The following ISG20 variants were observed in gnomAD, a reference collection of about 807,000 sequenced individuals.
ISG20 encodes interferon-stimulated gene 20 kDa protein.
A neutral mutation model predicts 11.1 loss-of-function variants in ISG20; 8 were observed. The observed-to-expected ratio is 0.72, with a 90% CI of 0.42 to 1.30. The LOEUF is 1.30. Ranked by LOEUF, ISG20 falls within the 50% of genes most tolerant of loss-of-function variation. The probability of loss-of-function intolerance (pLI) is 0.01; values close to 1 mark genes in which losing one functional copy is unlikely to be tolerated. For missense variants in ISG20, 243 were observed against 250.2 expected, an observed-to-expected ratio of 0.97 and a Z score of 0.19; for synonymous variants, 110 against 101.7, an observed-to-expected ratio of 1.08 and a Z score of -0.49.
At chr15:88,638,325 C>T (rs2141384996), upstream of ISG20, among the ~76,000 whole-genome samples, 1 of 152,368 alleles carries the variant, frequency 6.6e-6, no homozygotes, top group South Asian at 2.1e-4. Context: ...ATCTGGCAGG[C>T]ACTGTTCTAA....
chr15:88,643,335 G>C lies in ISG20; in HGVS notation c.228+3741G>C, dbSNP rs1317287753. On this transcript the variant is annotated intron_variant, in intron 2 of 3. Coordinates refer to ENST00000306072, the MANE Select transcript of ISG20 (RefSeq NM_002201.6). The surrounding 1 kb of genome is among the most constrained non-coding windows in gnomAD (Gnocchi z 4.4). ...AATGATAGTATTTTGGATATGTTAG[G>C]TTAAATAAAACGTTAAAATTAATTT... Among the ~76,000 whole-genome samples, 1 of 152,118 alleles carries C rather than the reference G, an allele frequency of 6.6e-6. No homozygotes were observed. The highest frequency in any genetic ancestry group is 1.9e-4 in the East Asian group (1 of 5,194).
chr15:88,641,023 C>G (rs555432590), intron 2 of ISG20, among the ~76,000 whole-genome samples: 96 of 151,472 alleles, frequency 6.3e-4, no homozygotes, highest in Non-Finnish European at 1.1e-3. Flanking sequence ...ACCGGAGTCT[C>G]TCTCTGTCAC....
At chr15:88,644,192 G>T (rs2058129232) in intron 2 of ISG20, among the ~76,000 whole-genome samples, 1 of 152,174 alleles carries the variant, frequency 6.6e-6, no homozygotes, top group Non-Finnish European at 1.5e-5. Context: ...AAGAAAACTA[G>T]AATGGGAATA....
chr15:88,644,540 A>T (rs2058136886), intron 2 of ISG20, among the ~76,000 whole-genome samples: 2 of 141,534 alleles, frequency 1.4e-5, no homozygotes, highest in Non-Finnish European at 3.2e-5. Flanking sequence ...TCCAAAAAAA[A>T]AAAAAAAGAA....
chr15:88,635,943 C>A (rs1055073969), upstream of ISG20, among the ~76,000 whole-genome samples: 7 of 152,184 alleles, frequency 4.6e-5, no homozygotes, highest in Non-Finnish European at 8.8e-5. Context: ...CTGTGCAGTT[C>A]AAGCCCATGT....
intron 2 of ISG20, 103 bp from the exon 3 acceptor site, chr15:88,652,007 A>G: frequency 6.4e-7 from 1 of 1,557,204 alleles, no homozygotes; most frequent in Non-Finnish European, 8.7e-7. Context: ...TAATTTGCCC[A>G]AGGTCACACA....
upstream of ISG20, among the ~76,000 whole-genome samples, chr15:88,638,059 C>T (rs1596039906): frequency 6.6e-6 from 1 of 152,286 alleles, no homozygotes; most frequent in South Asian, 2.1e-4. Context: ...ATCCAAATCC[C>T]ACTTGGTGAA....
intron 3 of ISG20, among the ~76,000 whole-genome samples, chr15:88,654,810 G>T (rs941499885): frequency 6.6e-6 from 1 of 152,086 alleles, no homozygotes; most frequent in African/African-American, 2.4e-5. Context: ...GAGGGCCCCC[G>T]ACTCCCATAG....
Position 88,650,640 on chromosome 15 carries a change from G to T in ISG20, c.229-1470G>T. 1 of 369,390 alleles carries T rather than the reference G, an allele frequency of 2.7e-6. No individual in the cohort carries two copies. 22.9% of individuals were successfully genotyped at this position (369,390 alleles called of 1,614,324 possible). A position where few individuals can be genotyped will look rare whatever the true frequency, so the allele number is the denominator to read the frequency against. On this transcript the variant is annotated intron_variant, in intron 2 of 3. Coordinates refer to ENST00000306072, the MANE Select transcript of ISG20 (RefSeq NM_002201.6). The surrounding 1 kb of genome is among the most constrained non-coding windows in gnomAD (Gnocchi z 4.0). The stretch of plus-strand genomic sequence containing the variant: ...AGTTAAGGCACCTTGAAGGCTGGGG[G>T]CTGGAACCATTGGAAGGTTTGCTCA...
At chr15:88,642,473 G>T (rs144506516) in intron 2 of ISG20, among the ~76,000 whole-genome samples, 1 of 152,282 alleles carries the variant, frequency 6.6e-6, no homozygotes, top group Non-Finnish European at 1.5e-5. Context: ...AACTGCTCAG[G>T]AATCCAAACT....
At chr15:88,649,477 C>G (rs1052013824) in intron 2 of ISG20, 1 of 152,302 alleles carries the variant, frequency 6.6e-6, no homozygotes, top group Non-Finnish European at 1.5e-5. Context: ...TCCTTCAGGG[C>G]TTTGTGTGAA....
Position 88,643,125 on chromosome 15 carries a change from C to T in ISG20, c.228+3531C>T, listed in dbSNP as rs1007014606. Among the ~76,000 whole-genome samples the T allele has an allele frequency of 6.6e-6, 1 of 151,938 alleles. No homozygotes were observed. Among genetic ancestry groups the T allele is most frequent in the African/African-American group, 2.4e-5 (1 of 41,366 alleles). ...TGGTGCATACCTGTAGTCCCAGCTA[C>T]TCGAGGAGGCTGAGGTGAAGTATTG... On this transcript the variant is annotated intron_variant, in intron 2 of 3. Coordinates refer to ENST00000306072, the MANE Select transcript of ISG20 (RefSeq NM_002201.6). The surrounding 1 kb of genome is among the most constrained non-coding windows in gnomAD (Gnocchi z 4.4).
upstream of ISG20, among the ~76,000 whole-genome samples, chr15:88,635,674 A>G (rs1343050216): frequency 6.6e-6 from 1 of 152,224 alleles, no homozygotes; most frequent in Non-Finnish European, 1.5e-5. Context: ...TTGACTGAGA[A>G]TGGTGCCACG....
At position 88,650,484 on chromosome 15, in the gene ISG20, G is replaced by T; in HGVS notation, c.229-1626G>T. ...GGCCTGGCTTTGCCACTAACTAGCC[G>T]TGTGACTGTCCCAGTTATCAAATGG... On this transcript the variant is annotated intron_variant, in intron 2 of 3. Transcript: ENST00000306072. This position sits in a 1 kb window ranked among gnomAD's most constrained non-coding sequence, Gnocchi z 4.0. 1 of 1,422,208 alleles carries T rather than the reference G, an allele frequency of 7.0e-7. No homozygotes were observed. The highest frequency in any genetic ancestry group is 1.5e-5 in the South Asian group (1 of 67,826). 88.1% of individuals were successfully genotyped at this position (1,422,208 alleles called of 1,614,324 possible). A position where few individuals can be genotyped will look rare whatever the true frequency, so the allele number is the denominator to read the frequency against.
At position 88,652,289 on chromosome 15, in the gene ISG20, C is replaced by T. The variant is rs776107422; in HGVS notation, c.408C>T (p.Arg136=). The part of the protein sequence containing the change: ...RRVSLRVLSE[R]LLHKSIQNSL... ...TCTCCCTGCGGGTGCTGAGTGAGCG[C>T]CTCCTACACAAGAGCATCCAGGTGA... The change falls in exon 3 of 4, where the codon CGC becomes CGT. Residue 136 remains arginine, a synonymous_variant. Coordinates refer to ENST00000306072, the MANE Select transcript of ISG20 (RefSeq NM_002201.6). The T allele has an allele frequency of 5.6e-6, 9 of 1,613,418 alleles. No homozygotes were observed. In the African/African-American group the frequency reaches 6.7e-5, roughly 12 times the overall value.
At chr15:88,648,521 G>T (rs1331920920) in intron 2 of ISG20, 1 of 152,288 alleles carries the variant, frequency 6.6e-6, no homozygotes, top group Non-Finnish European at 1.5e-5. Context: ...CCTGCGCCCC[G>T]CTTTGCTGGC....
Position 88,650,149 on chromosome 15 carries a change from G to C in ISG20, c.229-1961G>C, listed in dbSNP as rs1161139853. ...GCTACATGCAGAGAAGGAGACGAAG[G>C]CTGTCCTAGAGCTGTCCAAAGTGGG... On this transcript the variant is annotated intron_variant, in intron 2 of 3. Coordinates refer to ENST00000306072, the MANE Select transcript of ISG20 (RefSeq NM_002201.6). The surrounding 1 kb of genome is among the most constrained non-coding windows in gnomAD (Gnocchi z 4.0). 8.1e-6 allele frequency: 9 copies of C among 1,116,918 alleles called. No individual in the cohort carries two copies. The highest frequency in any genetic ancestry group is 7.7e-5 in the East Asian group (3 of 38,800). 69.2% of individuals were successfully genotyped at this position (1,116,918 alleles called of 1,614,324 possible). A position where few individuals can be genotyped will look rare whatever the true frequency, so the allele number is the denominator to read the frequency against.
intron 2 of ISG20, chr15:88,647,915 G>A (rs2058205888): frequency 6.6e-6 from 1 of 152,208 alleles, no homozygotes; most frequent in Non-Finnish European, 1.5e-5. Flanking sequence ...AGGTGGGAGT[G>A]TCCTGTTGGG....
In ISG20 at chr15:88,650,568, CG is replaced by C; in HGVS notation, c.229-1540del. On this transcript the variant is annotated intron_variant, in intron 2 of 3. Transcript: ENST00000306072. This position sits in a 1 kb window ranked among gnomAD's most constrained non-coding sequence, Gnocchi z 4.0. The stretch of plus-strand genomic sequence containing the variant: ...AAACAATGTCAATACTTATTTCGCT[CG>C]GCCACCTGCAGTTTGGGCAGGTGCT... The C allele has an allele frequency of 2.3e-6, 2 of 874,116 alleles. No homozygotes were observed. Among genetic ancestry groups the C allele is most frequent in the Non-Finnish European group, 3.2e-6 (2 of 632,124 alleles). The allele number at this position is 874,116 out of a possible 1,614,324, so 54.1% of individuals were successfully genotyped here. A position where few individuals can be genotyped will look rare whatever the true frequency, so the allele number is the denominator to read the frequency against.
Sources: gnomAD v4.1 joint callset for allele counts (sites outside exome capture counted in the v4.1 genomes callset) on GRCh38, gnomAD v4.1.1 for gene constraint, Gnocchi (gnomAD v3.1) non-coding constraint, MANE v1.5 for transcripts, NCBI Gene and HGNC (gene_info 2026-07-23, HGNC 2026-07-21) for gene names.